Variants in UBAP2L observed in about 807,000 individuals in gnomAD.
UBAP2L encodes ubiquitin associated protein 2 like, also known as ubiquitin-associated protein 2-like.
A neutral mutation model predicts 130.6 loss-of-function variants in UBAP2L; 12 were observed. That is an observed-to-expected ratio of 0.09 (90% CI 0.06 to 0.15). The LOEUF (loss-of-function observed/expected upper bound fraction) is 0.15. Among genes scored for constraint, UBAP2L ranks in the 10% least tolerant of loss-of-function variants. The probability of loss-of-function intolerance (pLI) is 1.00; values close to 1 mark genes in which losing one functional copy is unlikely to be tolerated. For missense variants in UBAP2L, 965 were observed against 1,332.5 expected (o/e 0.72, Z 4.29); for synonymous variants, 503 against 524.7 (o/e 0.96, Z 0.57).
chr1:154,248,534 C>T (rs1676379148), intron 11 of UBAP2L, among the ~76,000 whole-genome samples: 2 of 152,012 alleles, frequency 1.3e-5, no homozygotes, highest in South Asian at 4.1e-4. Flanking sequence ...TAAAAATTCT[C>T]GGCTGGGTGT....
downstream of UBAP2L, chr1:154,271,096 C>A: frequency 1.4e-6 from 1 of 720,498 alleles, no homozygotes; most frequent in Non-Finnish European, 2.2e-6. Context: ...AAAGAACCAC[C>A]ACAAATCTTC....
At chr1:154,267,788 C>T (rs1683720711) in intron 25 of UBAP2L, among the ~76,000 whole-genome samples, 1 of 151,456 alleles carries the variant, frequency 6.6e-6, no homozygotes, top group Admixed American at 6.6e-5. Context: ...AGCCATCATG[C>T]CCAGCCTGGA....
rs755276636 is a variant in UBAP2L, at chr1:154,257,398, G to T, written c.2406G>T (p.Pro802=). The T allele has an allele frequency of 6.2e-7, 1 of 1,613,174 alleles. No homozygotes were observed. The highest frequency in any genetic ancestry group is 8.5e-7 in the Non-Finnish European group (1 of 1,180,042). Residue 802 remains proline, a synonymous_variant, in exon 20 of 27, where the codon CCG becomes CCT. Coordinates refer to ENST00000428931, the MANE Select transcript of UBAP2L (RefSeq NM_014847.4). ...GGGTCCCGCCGTTGTTGCCTAATCC[G>T]TATATTATGGCTCCAGGGCTGTTAC... ...PPGVPPLLPN[P]YIMAPGLLHA... is the part of the protein sequence containing the mutation.
chr1:154,251,575 T>G lies in UBAP2L; in HGVS notation c.1586T>G (p.Leu529Arg). 1 of 1,614,158 alleles carries G rather than the reference T, an allele frequency of 6.2e-7. No homozygotes were observed. The highest frequency in any genetic ancestry group is 8.5e-7 in the Non-Finnish European group (1 of 1,180,022). ...TTGCAGTTTGGGTCAGAGCCTGTCC[T>G]TTCTGATTATGAGTCCACCCCCACC... The part of the protein sequence containing the change: ...GALQFGSEPV[L>R]SDYESTPTTS... The change falls in exon 14 of 27, where the codon CTT becomes CGT. Residue 529 changes from leucine (L) to arginine (R), a missense_variant. Transcript: ENST00000428931.
intron 3 of UBAP2L, 88 bp from the exon 4 acceptor site, chr1:154,228,527 C>A: frequency 9.9e-7 from 1 of 1,014,554 alleles, no homozygotes. Context: ...TCAAACTCAA[C>A]TGATAGCGTT....
chr1:154,265,235 C>T (rs1180159549), intron 24 of UBAP2L, among the ~76,000 whole-genome samples: 2 of 152,166 alleles, frequency 1.3e-5, no homozygotes, highest in Non-Finnish European at 2.9e-5. Context: ...CTGCCTTTGT[C>T]TGAGGCATTG....
At chr1:154,246,063 G>A (rs528272576) in intron 10 of UBAP2L, 141 bp from the exon 11 acceptor site, 10 of 719,162 alleles carry the variant, frequency 1.4e-5, no homozygotes, top group Middle Eastern at 4.2e-4. Context: ...GGACATTTAA[G>A]CATTTCAAGG....
At chr1:154,251,017 C>T (rs778892583) in intron 12 of UBAP2L, 24 bp from the exon 13 acceptor site, 1 of 1,589,828 alleles carries the variant, frequency 6.3e-7, no homozygotes, top group East Asian at 2.2e-5. Context: ...TCTCTGGCTT[C>T]ATATACTGGG....
At chr1:154,245,078 C>G (rs765869245) in intron 10 of UBAP2L, among the ~76,000 whole-genome samples, 1 of 152,164 alleles carries the variant, frequency 6.6e-6, no homozygotes. Context: ...ATAGTAGGCA[C>G]CCGCCACCAC....
At chr1:154,227,249 A>C (rs376678380) in intron 2 of UBAP2L, 33 bp from the exon 3 acceptor site, 31 of 1,590,952 alleles carry the variant, frequency 1.9e-5, no homozygotes, top group Non-Finnish European at 2.7e-5. Context: ...TTGCCTCATG[A>C]TTATGCTTTC....
intron 7 of UBAP2L, 135 bp from the exon 8 acceptor site, chr1:154,236,889 A>G (rs958988712): frequency 4.2e-6 from 3 of 710,834 alleles, no homozygotes; most frequent in African/African-American, 1.8e-5. Context: ...GAAAAAGTAG[A>G]TGACACACAG....
chr1:154,252,522 C>A (rs1678057218), intron 14 of UBAP2L, among the ~76,000 whole-genome samples: 1 of 152,070 alleles, frequency 6.6e-6, no homozygotes, highest in Non-Finnish European at 1.5e-5. Flanking sequence ...CTCGGGTGAT[C>A]TGCCCTCCTC....
chr1:154,220,430 T>C (rs373644399), upstream of UBAP2L: 25 of 1,613,980 alleles, frequency 1.5e-5, no homozygotes, highest in East Asian at 6.7e-5. Context: ...TCGCGCAGAA[T>C]TGTTCGGGTT....
At position 154,237,703 on chromosome 1, in the gene UBAP2L, C is replaced by T. The variant is rs144016626; in HGVS notation, c.703+567C>T. Among the ~76,000 whole-genome samples the T allele has an allele frequency of 4.9e-4, 75 of 152,228 alleles. No homozygotes were observed. In the Middle Eastern group the frequency reaches 0.01, roughly 21 times the overall value. ...TGTCAGTATCTGAACAAGAAGATTT[C>T]GAAATCTCTCTAGCCTTTCTGGTGC... is the stretch of plus-strand genomic sequence containing the variant. On this transcript the variant is annotated intron_variant, in intron 8 of 26. Coordinates refer to ENST00000428931, the MANE Select transcript of UBAP2L (RefSeq NM_014847.4).
chr1:154,255,175 T>C lies in UBAP2L; in HGVS notation c.1933T>C (p.Ser645Pro). The C allele has an allele frequency of 6.2e-7, 1 of 1,614,084 alleles. No homozygotes were observed. Among genetic ancestry groups the C allele is most frequent in the East Asian group, 2.2e-5 (1 of 44,880 alleles). The change falls in exon 17 of 27, where the codon TCT (serine) becomes CCT (proline). Residue 645 changes from serine (S) to proline (P), a missense_variant. By Grantham distance (74) the Ser-to-Pro change is moderately conservative. Around this residue, in one of 9 missense-constraint regions of UBAP2L, gnomAD observed 393 missense variants for 408.1 expected, o/e 0.96. Transcript: ENST00000428931. Reference sequence around the variant, plus strand: ...AGGTGCTACAGGCTCTGCAGTGAAATCTGATTCACCTTCCACTTCTAGCAT... The same window carrying C: ...AGGTGCTACAGGCTCTGCAGTGAAACCTGATTCACCTTCCACTTCTAGCAT... Reference protein sequence around the residue: ...VEGATGSAVKSDSPSTSSIPP... With the variant: ...VEGATGSAVKPDSPSTSSIPP...
chr1:154,258,147 T>A (rs1019181744), intron 20 of UBAP2L, among the ~76,000 whole-genome samples: 4 of 152,082 alleles, frequency 2.6e-5, no homozygotes, highest in East Asian at 1.9e-4. Flanking sequence ...GTTTTAAAAA[T>A]TTTTTTAGAG....
intron 2 of UBAP2L, among the ~76,000 whole-genome samples, chr1:154,225,813 A>C (rs897912071): frequency 5.3e-5 from 8 of 152,008 alleles, no homozygotes; most frequent in Non-Finnish European, 1.0e-4. Flanking sequence ...CCACCTTGAT[A>C]TCTCTCTCTT....
At chr1:154,261,473 G>A (rs1454781695) in intron 23 of UBAP2L, 119 bp from the exon 24 acceptor site, 3 of 944,518 alleles carry the variant, frequency 3.2e-6, no homozygotes, top group Non-Finnish European at 5.1e-6. Context: ...TAAGCAAACT[G>A]TAGTCAACTT....
At chr1:154,266,746 T>C (rs943220958) in intron 25 of UBAP2L, among the ~76,000 whole-genome samples, 178 bp downstream of exon 25, 11 of 152,096 alleles carry the variant, frequency 7.2e-5, no homozygotes, top group Non-Finnish European at 1.6e-4. Context: ...AGTTAAAATT[T>C]AGCCCTCTGA....
Sources: gnomAD v4.1 joint callset for allele counts (sites outside exome capture counted in the v4.1 genomes callset) on GRCh38, gnomAD v4.1.1 for gene constraint, gnomAD v4.1.1 regional missense constraint, MANE v1.5 for transcripts, NCBI Gene and HGNC (gene_info 2026-07-23, HGNC 2026-07-21) for gene names.